PRMT9: variants seen among roughly 807,000 people sequenced by gnomAD.
PRMT9 encodes the protein protein arginine methyltransferase 9.
A neutral mutation model predicts 83.2 loss-of-function variants in PRMT9; 59 were observed. That is an observed-to-expected ratio of 0.71 (90% confidence interval 0.57 to 0.88). The LOEUF (loss-of-function observed/expected upper bound fraction) is 0.88, where lower values mean the gene tolerates loss of function less well. Among genes scored for constraint, PRMT9 ranks in the 40% least tolerant of loss-of-function variants. The probability of loss-of-function intolerance (pLI) is 0.00; values close to 1 mark genes in which losing one functional copy is unlikely to be tolerated. For synonymous variants in PRMT9, 333 were observed against 353.2 expected (o/e 0.94, Z 0.64); for missense variants, 947 against 1,021.9 (o/e 0.93, Z 1.00).
chr4:147,676,260 G>T (rs190222167), intron 2 of PRMT9, among the ~76,000 whole-genome samples: 66 of 152,224 alleles, frequency 4.3e-4, no homozygotes, highest in Non-Finnish European at 6.5e-4. Context: ...CTGTTAAATT[G>T]AGTTTATCCT....
At position 147,654,057 on chromosome 4, in the gene PRMT9, G is replaced by C. The variant is rs141544929; in HGVS notation, c.1840C>G (p.Gln614Glu). Reference sequence around the variant, plus strand: ...ATGAGGTCCAGAGCAATACGATGCTGGTCTTTCTCCACAGAACTGTATGGT... The same window carrying C: ...ATGAGGTCCAGAGCAATACGATGCTCGTCTTTCTCCACAGAACTGTATGGT... ...VKPYSSVEKD[Q>E]HRIALDLISE... is the part of the protein sequence containing the mutation. Residue 614 changes from glutamine to glutamate, a missense_variant, in exon 9 of 12, where the codon CAG (glutamine) becomes GAG (glutamate). Transcript: ENST00000322396. 1.1e-5 allele frequency: 18 copies of C among 1,614,088 alleles called. No individual in the cohort carries two copies. The African/African-American group carries it at 2.3e-4, about 20-fold the overall frequency.
In PRMT9 at chr4:147,654,562, G is replaced by A. The variant is rs1201941190; in HGVS notation, c.1335C>T (p.Tyr445=). The A allele has an allele frequency of 1.2e-6, 2 of 1,605,326 alleles. No individual in the cohort carries two copies. The highest frequency in any genetic ancestry group is 1.7e-6 in the Non-Finnish European group (2 of 1,172,944). Residue 445 remains tyrosine, a synonymous_variant, in exon 9 of 12, where the codon TAC becomes TAT. Coordinates refer to ENST00000322396, the MANE Select transcript of PRMT9 (RefSeq NM_138364.4). ...TCACATGGTCTCCAGGCTTTATCCA[G>A]TAGTCTTCATTAAATAGTAAGGAAG... is the stretch of plus-strand genomic sequence containing the variant. ...AVYPVQDLAD[Y]WIKPGDHVMM...
rs755694893 is a variant in PRMT9, at chr4:147,668,536, T to TA, written c.953+2dup. ...CAGTGTGAAAATGGACTAATACACT[T>TA]ACCTATGATGTCTTCTTATCTCTGC... On this transcript the variant is annotated splice_region_variant and intron_variant, in intron 6 of 11. Coordinates refer to ENST00000322396, the MANE Select transcript of PRMT9 (RefSeq NM_138364.4). 2 of 1,533,960 alleles carry TA rather than the reference T, an allele frequency of 1.3e-6. No homozygotes were observed. Among genetic ancestry groups the TA allele is most frequent in the Non-Finnish European group, 1.8e-6 (2 of 1,109,312 alleles).
In PRMT9 at chr4:147,660,984, C is replaced by T. The variant is rs767411873; in HGVS notation, c.1008G>A (p.Gln336=). The change falls in exon 7 of 12, where the codon CAG becomes CAA. Residue 336 remains glutamine, a synonymous_variant. Coordinates refer to ENST00000322396, the MANE Select transcript of PRMT9 (RefSeq NM_138364.4). ...TATCTACAGAAGAATAAGCCGGACT[C>T]TGAAATTTCACATTTGTTGGCAAAT... ...GIHLPTNVKF[Q]SPAYSSVDTE... 5 of 1,613,296 alleles carry T rather than the reference C, an allele frequency of 3.1e-6. No individual in the cohort carries two copies. The Admixed American group carries it at 5.0e-5, about 16-fold the overall frequency.
chr4:147,673,499 C>T, intron 3 of PRMT9, 139 bp downstream of exon 3: 1 of 699,670 alleles, frequency 1.4e-6, no homozygotes, highest in Non-Finnish European at 2.5e-6. Flanking sequence ...TAGTAAAAAA[C>T]ATAATAGTTA....
intron 8 of PRMT9, among the ~76,000 whole-genome samples, chr4:147,657,186 T>C (rs572843440): frequency 5.9e-5 from 9 of 152,228 alleles, no homozygotes; most frequent in Admixed American, 5.9e-4. Context: ...ACTTTTCCAG[T>C]ACTTTCCATG....
In PRMT9 at chr4:147,660,978, C is replaced by A. The variant is rs779724038; in HGVS notation, c.1014G>T (p.Pro338=). 2.5e-6 allele frequency: 4 copies of A among 1,612,792 alleles called. No homozygotes were observed. In the South Asian group the frequency reaches 4.4e-5, roughly 18 times the overall value. ...HLPTNVKFQS[P]AYSSVDTEET... ...CTTCAGTATCTACAGAAGAATAAGCCGGACTCTGAAATTTCACATTTGTTG... is the reference window on the plus strand; with the variant it reads ...CTTCAGTATCTACAGAAGAATAAGCAGGACTCTGAAATTTCACATTTGTTG... Residue 338 remains proline (P), a synonymous_variant, in exon 7 of 12, where the codon CCG becomes CCT. Transcript: ENST00000322396.
intron 9 of PRMT9, among the ~76,000 whole-genome samples, chr4:147,647,285 C>T (rs1207938028): frequency 6.6e-6 from 1 of 152,126 alleles, no homozygotes. Context: ...TAAGATTGGT[C>T]TTTGAGACAT....
chr4:147,672,856 T>G (rs1406789298), intron 4 of PRMT9, 103 bp downstream of exon 4: 1 of 843,452 alleles, frequency 1.2e-6, no homozygotes, highest in African/African-American at 1.7e-5. Flanking sequence ...CTTTACAAAA[T>G]AAGGGTTTTG....
At chr4:147,653,140 AGACCTATCATTAAGATCTT>A (rs1734229571) in intron 9 of PRMT9, among the ~76,000 whole-genome samples, 1 of 152,166 alleles carries the variant, frequency 6.6e-6, no homozygotes, top group Non-Finnish European at 1.5e-5. Context: ...ATAAGCATAC[AGACCTATCATTAAGATCTT>A]GGTTTCAGCC....
At chr4:147,677,192 C>T (rs577209617) in intron 2 of PRMT9, among the ~76,000 whole-genome samples, 1 of 151,508 alleles carries the variant, frequency 6.6e-6, no homozygotes, top group African/African-American at 2.4e-5. Context: ...TTATTTTGTA[C>T]AAGGCAGTGA....
At position 147,644,539 on chromosome 4, in the gene PRMT9, T is replaced by TTAAA. The variant is rs375904729; in HGVS notation, c.2046-1600_2046-1599insTTTA. On this transcript the variant is annotated intron_variant, in intron 9 of 11. Transcript: ENST00000322396. ...GTTTATCAGGAACACTGCTTATGGT[T>TTAAA]AAAAAAAAAAAAAAAAAAAAAGAAT... Among the ~76,000 whole-genome samples, 4 of 111,894 alleles carry TTAAA rather than the reference T, an allele frequency of 3.6e-5. No homozygotes were observed. The East Asian group carries it at 1.1e-3, about 30-fold the overall frequency. The allele number at this position is 111,894 out of a possible 152,430, so 73.4% of individuals were successfully genotyped here. A position where few individuals can be genotyped will look rare whatever the true frequency, so the allele number is the denominator to read the frequency against.
intron 2 of PRMT9, among the ~76,000 whole-genome samples, chr4:147,674,454 A>G (rs920153904): frequency 6.6e-6 from 1 of 152,214 alleles, no homozygotes; most frequent in Non-Finnish European, 1.5e-5. Context: ...GTCACTTAAA[A>G]TTAAGTACTA....
In PRMT9 at chr4:147,683,798, C is replaced by T; in HGVS notation, c.189+1G>A. ...AGCAAGTGAGAAAAAAGGACCCTCA[C>T]CTTCACGTCGTGTTTCAGCTCCGGC... On this transcript the variant is annotated splice_donor_variant, in intron 1 of 11. Transcript: ENST00000322396. LOFTEE classifies it high-confidence loss of function. 1.9e-6 allele frequency: 3 copies of T among 1,595,038 alleles called. No individual in the cohort carries two copies. Among genetic ancestry groups the T allele is most frequent in the Non-Finnish European group, 2.6e-6 (3 of 1,169,506 alleles).
At chr4:147,645,452 A>G (rs1234066075) in intron 9 of PRMT9, among the ~76,000 whole-genome samples, 2 of 152,210 alleles carry the variant, frequency 1.3e-5, no homozygotes, top group Non-Finnish European at 2.9e-5. Flanking sequence ...TATGCACTAT[A>G]TATTATATAA....
chr4:147,671,485 T>A (rs1735726970), intron 4 of PRMT9, among the ~76,000 whole-genome samples: 1 of 152,238 alleles, frequency 6.6e-6, no homozygotes, highest in Non-Finnish European at 1.5e-5. Context: ...GTATCACTCA[T>A]TTATGTAGTT....
chr4:147,638,624 A>T lies in PRMT9; in HGVS notation c.2446T>A (p.Leu816Ile). The T allele has an allele frequency of 6.2e-7, 1 of 1,613,906 alleles. No homozygotes were observed. Among genetic ancestry groups the T allele is most frequent in the Non-Finnish European group, 8.5e-7 (1 of 1,179,874 alleles). Residue 816 changes from leucine to isoleucine, a missense_variant, in exon 12 of 12, where the codon TTA (leucine) becomes ATA (isoleucine). By Grantham distance (5) the Leu-to-Ile change is conservative. Coordinates refer to ENST00000322396, the MANE Select transcript of PRMT9 (RefSeq NM_138364.4). ...ASHWKQAAVV[L>I]DNPIQVEMGE... ...ATTTCAACCTGGATGGGATTATCTA[A>T]AACAACTGCAGCTTGTTTCCAGTGG...
chr4:147,661,261 TAAA>T (rs35220006), intron 6 of PRMT9: 2,587 of 285,312 alleles, frequency 9.1e-3, no homozygotes, highest in Non-Finnish European at 0.011. Context: ...GTCTGCTCAC[TAAA>T]AAAAAAAAAA....
At chr4:147,638,840 A>G in intron 11 of PRMT9, 93 bp from the exon 12 acceptor site, 1 of 1,362,278 alleles carries the variant, frequency 7.3e-7, no homozygotes, top group Non-Finnish European at 1.0e-6. Context: ...AAAAATTTAA[A>G]ATACATTTCA....
Sources: allele counts gnomAD v4.1 joint callset (sites outside exome capture counted in the v4.1 genomes callset), GRCh38; gene constraint gnomAD v4.1.1; transcripts MANE v1.5; gene names NCBI Gene and HGNC (gene_info 2026-07-23, HGNC 2026-07-21).